Variants in ZNF607 observed in about 807,000 individuals in gnomAD.
The protein encoded by ZNF607 is zinc finger protein 607.
In ZNF607, 5 loss-of-function variants were observed where a neutral mutation model predicts 12.8. The ratio of observed to expected loss-of-function variants is 0.39; its 90% CI spans 0.20 to 0.82. The LOEUF (loss-of-function observed/expected upper bound fraction) is 0.82. ZNF607 is among the 40% of genes least tolerant of loss of function. The pLI, the probability that ZNF607 is intolerant of heterozygous loss-of-function variation, is 0.39. For missense variants in ZNF607, 851 were observed against 859.2 expected (o/e 0.99, Z 0.12); for synonymous variants, 287 against 276.2 (o/e 1.04, Z -0.39).
At chr19:37,716,177 T>C (rs1568408541) in intron 1 of ZNF607, among the ~76,000 whole-genome samples, 3 of 152,226 alleles carry the variant, frequency 2.0e-5, no homozygotes, top group South Asian at 4.1e-4. Flanking sequence ...TTGTACAAAA[T>C]AGCGTAAGAG....
chr19:37,710,855 A>G (rs1408699868), intron 2 of ZNF607, among the ~76,000 whole-genome samples: 2 of 152,222 alleles, frequency 1.3e-5, no homozygotes, highest in African/African-American at 4.8e-5. Flanking sequence ...AAAATATGGT[A>G]CAGATTCTCA....
intron 1 of ZNF607, among the ~76,000 whole-genome samples, chr19:37,712,417 G>T (rs184868586): frequency 6.6e-6 from 1 of 152,216 alleles, no homozygotes; most frequent in Non-Finnish European, 1.5e-5. Flanking sequence ...AGGCTGAGGC[G>T]AGAGGATCAC....
In ZNF607 at chr19:37,698,077, C is replaced by G; in HGVS notation, c.2054G>C (p.Arg685Thr). The G allele has an allele frequency of 6.2e-7, 1 of 1,611,230 alleles. No homozygotes were observed. The highest frequency in any genetic ancestry group is 8.5e-7 in the Non-Finnish European group (1 of 1,179,154). The change falls in exon 5 of 5, where the codon AGA becomes ACA. Residue 685 changes from arginine to threonine, a missense_variant. Physicochemically the swap from Arg to Thr is moderately conservative, Grantham distance 71. Transcript: ENST00000355202. ...CNKCRRSFRL[R>T]SILEVHQRIH... ...TCTCTGATGTACTTCAAGGATGGAT[C>G]TAAGCCTAAAGGACCTTCTGCATTT...
Position 37,696,611 on chromosome 19 carries a change from TG to T in ZNF607, c.*1428del. ...TTGCCTCACGGAGGTGCAGGTAGGCTGGGGCCTCACTAGGGCAGCTGGAGGA... is the reference window on the plus strand; with the variant it reads ...TTGCCTCACGGAGGTGCAGGTAGGCTGGGCCTCACTAGGGCAGCTGGAGGA... On this transcript the variant is annotated 3_prime_UTR_variant, in exon 5 of 5. Coordinates refer to ENST00000355202, the MANE Select transcript of ZNF607 (RefSeq NM_032689.5). 6.7e-6 allele frequency: 4 copies of T among 594,970 alleles called. No individual in the cohort carries two copies. 36.9% of individuals were successfully genotyped at this position (594,970 alleles called of 1,614,324 possible).
chr19:37,699,034 T>C lies in ZNF607; in HGVS notation c.1097A>G (p.Lys366Arg). The C allele has an allele frequency of 6.2e-7, 1 of 1,614,066 alleles. No homozygotes were observed. Among genetic ancestry groups the C allele is most frequent in the South Asian group, 1.1e-5 (1 of 91,074 alleles). ...HTFESVEKPY[K>R]CEECGKAFSV... ...AAAGGCTTTCCCACATTCCTCACAC[T>C]TATAAGGTTTCTCAACACTTTCAAA... The change falls in exon 5 of 5, where the codon AAG becomes AGG. Residue 366 changes from lysine (K) to arginine (R), a missense_variant. Transcript: ENST00000355202.
intron 1 of ZNF607, among the ~76,000 whole-genome samples, chr19:37,717,247 T>C (rs2045183584): frequency 6.6e-6 from 1 of 152,164 alleles, no homozygotes. Flanking sequence ...GTGCAGTGGC[T>C]CGATCTCGGC....
intron 4 of ZNF607, among the ~76,000 whole-genome samples, chr19:37,702,641 G>A (rs1245844612): frequency 6.6e-6 from 1 of 152,134 alleles, no homozygotes; most frequent in African/African-American, 2.4e-5. Flanking sequence ...AAAAGATGAT[G>A]TAAATAAAAT....
In ZNF607 at chr19:37,698,922, C is replaced by T; in HGVS notation, c.1209G>A (p.Arg403=). 1 of 1,613,848 alleles carries T rather than the reference C, an allele frequency of 6.2e-7. No homozygotes were observed. Among genetic ancestry groups the T allele is most frequent in the Middle Eastern group, 1.6e-4 (1 of 6,062 alleles). Residue 403 remains arginine (R), a synonymous_variant, in exon 5 of 5, where the codon AGG becomes AGA. Transcript: ENST00000355202. The stretch of plus-strand genomic sequence containing the variant: ...GATGTATTTTAAGGGATGAATTGAG[C>T]CTAAAGGACTTCCCACATTTGTTAC... ...YECNKCGKSF[R]LNSSLKIHQN...
At chr19:37,707,653 G>C (rs1382491174) in intron 4 of ZNF607, among the ~76,000 whole-genome samples, 1 of 151,826 alleles carries the variant, frequency 6.6e-6, no homozygotes, top group Non-Finnish European at 1.5e-5. Context: ...TGTGGTCCCA[G>C]CTACTGTGGT....
chr19:37,717,864 C>G (rs1046411027), intron 1 of ZNF607, among the ~76,000 whole-genome samples: 1 of 147,120 alleles, frequency 6.8e-6, no homozygotes, highest in Admixed American at 6.8e-5. Flanking sequence ...AGTTTGAGAA[C>G]TGTGATCCAC....
intron 2 of ZNF607, 73 bp downstream of exon 2, chr19:37,711,537 A>T: frequency 6.5e-7 from 1 of 1,529,154 alleles, no homozygotes; most frequent in South Asian, 1.1e-5. Context: ...AACTTCAGGA[A>T]AAATGATGAG....
chr19:37,716,706 T>G (rs1464600504), intron 1 of ZNF607, among the ~76,000 whole-genome samples: 1 of 152,228 alleles, frequency 6.6e-6, no homozygotes, highest in Non-Finnish European at 1.5e-5. Context: ...TATTCTAAAT[T>G]TCTTCTTTGA....
chr19:37,697,226 T>C lies in ZNF607; in HGVS notation c.*814A>G, dbSNP rs1183590752. The C allele has an allele frequency of 4.0e-6, 3 of 744,380 alleles. No homozygotes were observed. The highest frequency in any genetic ancestry group is 2.5e-5 in the East Asian group (1 of 39,822). The allele number at this position is 744,380 out of a possible 1,614,324, so 46.1% of individuals were successfully genotyped here. A position where few individuals can be genotyped will look rare whatever the true frequency, so the allele number is the denominator to read the frequency against. On this transcript the variant is annotated 3_prime_UTR_variant, in exon 5 of 5. Transcript: ENST00000355202. ...CAAAGATAATTGGTTTTTGTACACA[T>C]GGGATGAGAAAGTGAGTCCCTTCCC...
At chr19:37,712,632 A>AGTTTATTTACTTTTC (rs1367268597) in intron 1 of ZNF607, among the ~76,000 whole-genome samples, 11 of 152,342 alleles carry the variant, frequency 7.2e-5, no homozygotes, top group Middle Eastern at 6.8e-3. Flanking sequence ...TTGCTTAGCA[A>AGTTTATTTACTTTTC]CTTCCCATAA....
In ZNF607 at chr19:37,705,413, C is replaced by T. The variant is rs545913352; in HGVS notation, c.235+2501G>A. Among the ~76,000 whole-genome samples, 65 of 152,218 alleles carry T rather than the reference C, an allele frequency of 4.3e-4. No homozygotes were observed. The South Asian group carries it at 0.012, about 29-fold the overall frequency. On this transcript the variant is annotated intron_variant, in intron 4 of 4. Transcript: ENST00000355202. The stretch of plus-strand genomic sequence containing the variant: ...CCTTCAGAAAACAGTTTGCCAGGGC[C>T]GGGCATGGTGGCTCACGCCCCAGCA...
intron 4 of ZNF607, among the ~76,000 whole-genome samples, chr19:37,704,726 A>G (rs2045065875): frequency 6.6e-6 from 1 of 152,182 alleles, no homozygotes; most frequent in South Asian, 2.1e-4. Flanking sequence ...GCACCGGGCG[A>G]GCGGGCGGAT....
chr19:37,712,043 T>TA (rs1228019762), intron 1 of ZNF607, among the ~76,000 whole-genome samples: 2 of 152,082 alleles, frequency 1.3e-5, no homozygotes, highest in Non-Finnish European at 1.5e-5. Context: ...CCTTTAAGGG[T>TA]AAAAACAGGG....
chr19:37,705,712 A>G (rs1048875455), intron 4 of ZNF607, among the ~76,000 whole-genome samples: 6 of 150,444 alleles, frequency 4.0e-5, no homozygotes, highest in Non-Finnish European at 7.4e-5. Flanking sequence ...AAAAACTTAG[A>G]TGCATGTTCA....
intron 4 of ZNF607, among the ~76,000 whole-genome samples, chr19:37,707,394 G>C (rs1568405765): frequency 6.6e-6 from 1 of 152,014 alleles, no homozygotes; most frequent in Non-Finnish European, 1.5e-5. Context: ...CAGAGGATAA[G>C]ACTGTGCCAC....
Sources: allele counts gnomAD v4.1 joint callset (sites outside exome capture counted in the v4.1 genomes callset), GRCh38; gene constraint gnomAD v4.1.1; transcripts MANE v1.5; gene names NCBI Gene and HGNC (gene_info 2026-07-23, HGNC 2026-07-21).